COQ9: variants seen among roughly 807,000 people sequenced by gnomAD.
The protein encoded by COQ9 is ubiquinone biosynthesis protein COQ9, mitochondrial.
Under a neutral mutation model 42.4 loss-of-function variants are expected in COQ9, and 35 were observed. The ratio of observed to expected loss-of-function variants is 0.83; its 90% CI spans 0.63 to 1.10. The LOEUF is 1.10. Ranked by LOEUF, COQ9 falls within the 50% of genes least tolerant of loss-of-function variation. COQ9 has a pLI of 0.00. For missense variants in COQ9, 406 were observed against 414.6 expected (o/e 0.98, Z 0.18); for synonymous variants, 155 against 155.1 (o/e 1.00, Z 0.00).
At chr16:57,455,396 T>TA (rs2030378429) in intron 3 of COQ9, among the ~76,000 whole-genome samples, 1 of 142,072 alleles carries the variant, frequency 7.0e-6, no homozygotes, top group African/African-American at 2.6e-5. Context: ...GCACGCTGAT[T>TA]TTATATATAT....
In COQ9 at chr16:57,461,022, C is replaced by A; in HGVS notation, c.*398C>A. 1 of 370,070 alleles carries A rather than the reference C, an allele frequency of 2.7e-6. No homozygotes were observed. The highest frequency in any genetic ancestry group is 2.0e-5 in the South Asian group (1 of 49,934). The allele number at this position is 370,070 out of a possible 1,614,324, so 22.9% of individuals were successfully genotyped here. On this transcript the variant is annotated 3_prime_UTR_variant, in exon 9 of 9. Transcript: ENST00000262507. ...CCAGAGTCAAGGTCTGACGCCACCT[C>A]AAGGTGACAGCTCATCTCCAGCACA...
chr16:57,450,930 T>C, intron 1 of COQ9, 110 bp from the exon 2 acceptor site: 1 of 1,195,452 alleles, frequency 8.4e-7, no homozygotes, highest in Non-Finnish European at 1.2e-6. Flanking sequence ...GGATAAGTGG[T>C]TCTACAGGAG....
chr16:57,453,551 A>T (rs2030337627), intron 3 of COQ9: 1 of 158,166 alleles, frequency 6.3e-6, no homozygotes, highest in African/African-American at 2.4e-5. Context: ...GACTGAGGGG[A>T]TGACAGAGTT....
chr16:57,459,845 C>A, intron 7 of COQ9, 125 bp downstream of exon 7: 1 of 1,192,884 alleles, frequency 8.4e-7, no homozygotes, highest in Non-Finnish European at 1.2e-6. Flanking sequence ...AAGGGCCTGG[C>A]TGGTTCTTCC....
intron 1 of COQ9, among the ~76,000 whole-genome samples, chr16:57,449,876 C>T (rs2146584909): frequency 6.6e-6 from 1 of 152,180 alleles, no homozygotes; most frequent in Non-Finnish European, 1.5e-5. Flanking sequence ...ATACATTTGT[C>T]AAAACTCATA....
In COQ9 at chr16:57,460,806, G is replaced by A. The variant is rs1341518866; in HGVS notation, c.*182G>A. 1.1e-5 allele frequency: 7 copies of A among 628,724 alleles called. No individual in the cohort carries two copies. The Admixed American group carries it at 1.5e-4, about 14-fold the overall frequency. 38.9% of individuals were successfully genotyped at this position (628,724 alleles called of 1,614,324 possible). A position where few individuals can be genotyped will look rare whatever the true frequency, so the allele number is the denominator to read the frequency against. ...CATTTGATGCTACCGTTCTGGTCAG[G>A]GATTGGGCTGCTTCTTCAGTTCCTA... On this transcript the variant is annotated 3_prime_UTR_variant, in exon 9 of 9. Transcript: ENST00000262507.
intron 1 of COQ9, 165 bp from the exon 2 acceptor site, chr16:57,450,874 CA>C: frequency 2.6e-6 from 2 of 783,410 alleles, no homozygotes; most frequent in South Asian, 3.0e-5. Context: ...CTTCGTGTCC[CA>C]AAGTTCCCAG....
Position 57,456,922 on chromosome 16 carries a change from C to T in COQ9, c.522-9C>T. The T allele has an allele frequency of 6.2e-7, 1 of 1,610,756 alleles. No homozygotes were observed. Among genetic ancestry groups the T allele is most frequent in the Non-Finnish European group, 8.5e-7 (1 of 1,176,918 alleles). On this transcript the variant is annotated splice_polypyrimidine_tract_variant and intron_variant, in intron 4 of 8. Transcript: ENST00000262507. ...TCAGAGACACACTGTTTTCTTTTCC[C>T]TCTTCCAGGAAGAGGAAGACAGACC... is the stretch of plus-strand genomic sequence containing the variant.
rs2030528175 is a variant in COQ9, at chr16:57,461,142, T to C, written c.*518T>C. The C allele has an allele frequency of 4.4e-6, 2 of 455,508 alleles. No individual in the cohort carries two copies. The highest frequency in any genetic ancestry group is 4.0e-5 in the African/African-American group (2 of 50,058). 28.2% of individuals were successfully genotyped at this position (455,508 alleles called of 1,614,324 possible). ...CTGGGAGCCCCCTCAGAAAACTGCCTCACCTGAGACAAGTGCCTGCTGGAC... is the reference window on the plus strand; with the variant it reads ...CTGGGAGCCCCCTCAGAAAACTGCCCCACCTGAGACAAGTGCCTGCTGGAC... On this transcript the variant is annotated 3_prime_UTR_variant, in exon 9 of 9. Coordinates refer to ENST00000262507, the MANE Select transcript of COQ9 (RefSeq NM_020312.4).
chr16:57,459,965 C>T lies in COQ9; in HGVS notation c.868-86C>T. 3 of 1,320,410 alleles carry T rather than the reference C, an allele frequency of 2.3e-6. No individual in the cohort carries two copies. In the East Asian group the frequency reaches 6.9e-5, roughly 31 times the overall value. The allele number at this position is 1,320,410 out of a possible 1,614,324, so 81.8% of individuals were successfully genotyped here. A position where few individuals can be genotyped will look rare whatever the true frequency, so the allele number is the denominator to read the frequency against. On this transcript the variant is annotated intron_variant, in intron 7 of 8. Coordinates refer to ENST00000262507, the MANE Select transcript of COQ9 (RefSeq NM_020312.4). ...GCCCCCTTGTCTTCACCTTTTGGGG[C>T]TCATAGGCCTCCTGATTTGTCCTGC...
At chr16:57,452,750 A>C (rs375161985) in intron 2 of COQ9, 51 bp from the exon 3 acceptor site, 2 of 1,610,732 alleles carry the variant, frequency 1.2e-6, no homozygotes, top group Non-Finnish European at 1.7e-6. Context: ...GGTCATGCCC[A>C]TTGTACATGC....
rs2146594554 is a variant in COQ9, at chr16:57,460,922, C to A, written c.*298C>A. On this transcript the variant is annotated 3_prime_UTR_variant, in exon 9 of 9. Coordinates refer to ENST00000262507, the MANE Select transcript of COQ9 (RefSeq NM_020312.4). ...ATCCAAGCAGTCAAGCCACAGAAAC[C>A]CAGCATGTCCCTGTCACAATCTCAT... is the stretch of plus-strand genomic sequence containing the variant. 19 of 418,854 alleles carry A rather than the reference C, an allele frequency of 4.5e-5. No homozygotes were observed. Among genetic ancestry groups the A allele is most frequent in the South Asian group, 4.0e-4 (19 of 47,566 alleles). The allele number at this position is 418,854 out of a possible 1,614,324, so 25.9% of individuals were successfully genotyped here.
intron 1 of COQ9, among the ~76,000 whole-genome samples, chr16:57,450,047 T>C (rs2030245216): frequency 6.6e-6 from 1 of 152,218 alleles, no homozygotes; most frequent in African/African-American, 2.4e-5. Context: ...ATGAAGAACA[T>C]GACAGATGTG....
At chr16:57,454,484 C>T (rs1176520439) in intron 3 of COQ9, among the ~76,000 whole-genome samples, 1 of 152,098 alleles carries the variant, frequency 6.6e-6, no homozygotes, top group African/African-American at 2.4e-5. Flanking sequence ...AGGGAGAGAC[C>T]CCATCTCTAC....
At position 57,452,874 on chromosome 16, in the gene COQ9, G is replaced by T; in HGVS notation, c.316G>T (p.Ala106Ser). 6.2e-7 allele frequency: 1 copy of T among 1,613,870 alleles called. No individual in the cohort carries two copies. The highest frequency in any genetic ancestry group is 8.5e-7 in the Non-Finnish European group (1 of 1,180,006). ...GCAGTTGCAGCACCGCATCCTGACG[G>T]CAGCCCTTGAGTTTGTGCCCGCCCA... ...EEQLQHRILT[A>S]ALEFVPAHGW... The change falls in exon 3 of 9, where the codon GCA (alanine) becomes TCA (serine). Residue 106 changes from alanine (A) to serine (S), a missense_variant. Ala to Ser is a moderately conservative substitution (Grantham distance 99, BLOSUM62 1). Transcript: ENST00000262507.
At chr16:57,459,142 C>T (rs2030470830) in intron 6 of COQ9, among the ~76,000 whole-genome samples, 1 of 152,202 alleles carries the variant, frequency 6.6e-6, no homozygotes, top group South Asian at 2.1e-4. Context: ...TGTAATCTGT[C>T]CATGAGCCTC....
In COQ9 at chr16:57,459,349, ACTCTT is replaced by A. The variant is rs145473540; in HGVS notation, c.712-215_712-211del. ...CACTTTATTTAGATCCATTGACTCT[ACTCTT>A]AAGAGGTTGGGCCCAGGAGCTTGCA... On this transcript the variant is annotated intron_variant, in intron 6 of 8. Transcript: ENST00000262507. Among the ~76,000 whole-genome samples the A allele has an allele frequency of 5.4e-3, 816 of 152,190 alleles. 7 individuals carry two copies. The highest frequency in any genetic ancestry group is 0.018 in the African/African-American group (731 of 41,520).
At chr16:57,451,268 T>A in intron 2 of COQ9, 60 bp downstream of exon 2, 1 of 1,521,268 alleles carries the variant, frequency 6.6e-7, no homozygotes, top group Non-Finnish European at 9.1e-7. Context: ...CTGTTCCTCC[T>A]TCACTTCCTC....
At chr16:57,457,531 T>C (rs1010457937) in intron 5 of COQ9, 3 of 253,920 alleles carry the variant, frequency 1.2e-5, no homozygotes, top group Admixed American at 5.1e-5. Flanking sequence ...ATTCTCTGAG[T>C]GAAGAAAGTA....
Sources: gnomAD v4.1 joint callset for allele counts (sites outside exome capture counted in the v4.1 genomes callset) on GRCh38, gnomAD v4.1.1 for gene constraint, MANE v1.5 for transcripts, NCBI Gene and HGNC (gene_info 2026-07-23, HGNC 2026-07-21) for gene names.